The following ASH1L variants were observed in gnomAD, a reference collection of about 807,000 sequenced individuals.
ASH1L encodes the protein histone-lysine N-methyltransferase ASH1L.
In ASH1L, 23 loss-of-function variants were observed where a neutral mutation model predicts 269.0. That is an observed-to-expected ratio of 0.09 (90% CI 0.06 to 0.12). The LOEUF (loss-of-function observed/expected upper bound fraction) is 0.12. ASH1L is among the 10% of genes least tolerant of loss of function. The pLI, the probability that ASH1L is intolerant of heterozygous loss-of-function variation, is 1.00. For synonymous variants in ASH1L, 1,187 were observed against 1,253.5 expected, an observed-to-expected ratio of 0.95 and a Z score of 1.12; for missense variants, 2,912 against 3,567.8, an observed-to-expected ratio of 0.82 and a Z score of 4.68.
intron 2 of ASH1L, among the ~76,000 whole-genome samples, chr1:155,520,681 G>A (rs1668824023): frequency 6.6e-6 from 1 of 151,816 alleles, no homozygotes; most frequent in South Asian, 2.1e-4. Flanking sequence ...TGGCCAACAT[G>A]GTGAAACCCC....
chr1:155,438,608 C>A lies in ASH1L; in HGVS notation c.5547G>T (p.Arg1849Ser), dbSNP rs747204729. 2 of 1,614,062 alleles carry A rather than the reference C, an allele frequency of 1.2e-6. No homozygotes were observed. Among genetic ancestry groups the A allele is most frequent in the Non-Finnish European group, 1.7e-6 (2 of 1,180,036 alleles). Residue 1849 changes from arginine to serine, a missense_variant, in exon 5 of 28, where the codon AGG becomes AGT. Transcript: ENST00000392403. ...ARTGNNFVKR[R>S]PGRPRKCPLQ... ...GGGGACATTTCCGAGGTCGACCTGGCCTACGTTTCACAAAGTTATTCCCTG... is the reference window on the plus strand; with the variant it reads ...GGGGACATTTCCGAGGTCGACCTGGACTACGTTTCACAAAGTTATTCCCTG...
intron 4 of ASH1L, 46 bp from the exon 5 acceptor site, chr1:155,439,114 A>C: frequency 6.5e-7 from 1 of 1,536,164 alleles, no homozygotes; most frequent in Non-Finnish European, 8.7e-7. Context: ...GGACACGGCT[A>C]GTTATTTAAA....
intron 25 of ASH1L, among the ~76,000 whole-genome samples, chr1:155,341,237 C>T (rs1241707009): frequency 4.6e-5 from 7 of 151,248 alleles, no homozygotes; most frequent in Middle Eastern, 3.4e-3. Context: ...AGTGCAGTGG[C>T]GTGATCTTGG....
At chr1:155,546,245 C>G (rs1168269983) in intron 1 of ASH1L, among the ~76,000 whole-genome samples, 2 of 150,302 alleles carry the variant, frequency 1.3e-5, no homozygotes. Context: ...GCAGGAGAAT[C>G]GCTTGAACTC....
chr1:155,563,106 G>A (rs772420862), upstream of ASH1L: 236 of 457,492 alleles, frequency 5.2e-4, 6 homozygotes, highest in Middle Eastern at 0.038. Flanking sequence ...GCTGCGGCTC[G>A]CCTCCCTCTG....
chr1:155,399,998 A>G (rs1017091040), intron 6 of ASH1L, among the ~76,000 whole-genome samples: 1 of 152,222 alleles, frequency 6.6e-6, no homozygotes, highest in African/African-American at 2.4e-5. Context: ...ATTATGCAAC[A>G]GTTCTGCAGG....
At chr1:155,514,323 C>T (rs752444612) in intron 2 of ASH1L, among the ~76,000 whole-genome samples, 3 of 152,028 alleles carry the variant, frequency 2.0e-5, no homozygotes, top group East Asian at 1.9e-4. Context: ...TTTATATATA[C>T]GGATATACAT....
At chr1:155,344,689 C>T (rs1653086801) in intron 21 of ASH1L, 1 of 158,742 alleles carries the variant, frequency 6.3e-6, no homozygotes, top group South Asian at 1.8e-4. Flanking sequence ...TTAAGAAATA[C>T]TGCCTAAATC....
chr1:155,535,183 C>A (rs888338901), intron 1 of ASH1L, among the ~76,000 whole-genome samples: 1 of 148,548 alleles, frequency 6.7e-6, no homozygotes, highest in Non-Finnish European at 1.5e-5. Context: ...TAGTAAAACT[C>A]CATTTAAAAA....
chr1:155,560,609 C>G (rs1461631773), intron 1 of ASH1L, among the ~76,000 whole-genome samples: 1 of 152,168 alleles, frequency 6.6e-6, no homozygotes, highest in African/African-American at 2.4e-5. Flanking sequence ...AGGCTATTTA[C>G]AGAGACACCT....
chr1:155,411,315 T>A (rs1459094162), intron 6 of ASH1L, among the ~76,000 whole-genome samples: 1 of 151,864 alleles, frequency 6.6e-6, no homozygotes, highest in African/African-American at 2.4e-5. Context: ...AATAAACCAT[T>A]TTCTTCCTAC....
Position 155,406,928 on chromosome 1 carries a change from CATGAAAAGACA to C in ASH1L, c.6008+8805_6008+8815del, listed in dbSNP as rs1232501187. ...CCCTGATAGAAAATGGGGAAACACA[CATGAAAAGACA>C]GTTAAAAGAAAAAGATAATTAAATG... On this transcript the variant is annotated intron_variant, in intron 6 of 27. Transcript: ENST00000392403. Among the ~76,000 whole-genome samples the C allele has an allele frequency of 2.6e-5, 4 of 152,144 alleles. No individual in the cohort carries two copies. In the East Asian group the frequency reaches 7.7e-4, roughly 29 times the overall value.
At chr1:155,345,956 C>G in intron 21 of ASH1L, 1 of 349,606 alleles carries the variant, frequency 2.9e-6, no homozygotes, top group East Asian at 7.9e-5. Context: ...CTCAGCCACC[C>G]AAGTACCTGA....
chr1:155,557,531 C>A (rs557763574), intron 1 of ASH1L, among the ~76,000 whole-genome samples: 6 of 152,098 alleles, frequency 3.9e-5, no homozygotes, highest in Admixed American at 3.9e-4. Flanking sequence ...CCGCCCACCT[C>A]GGCCTCCCAA....
At chr1:155,542,387 A>G (rs1370063898) in intron 1 of ASH1L, among the ~76,000 whole-genome samples, 3 of 152,116 alleles carry the variant, frequency 2.0e-5, no homozygotes, top group African/African-American at 4.8e-5. Context: ...ATCTCTATCA[A>G]AAATACAAAA....
At chr1:155,442,537 C>T (rs560307484) in intron 4 of ASH1L, among the ~76,000 whole-genome samples, 7,771 of 144,666 alleles carry the variant, frequency 0.054, 684 homozygotes, top group African/African-American at 0.19. Context: ...GAGCCGAGAT[C>T]ACGCCACTGC....
Position 155,388,106 on chromosome 1 carries a change from C to T in ASH1L, c.6103+7353G>A, listed in dbSNP as rs149168454. The stretch of plus-strand genomic sequence containing the variant: ...AGGTGTGAAAGTTGATTAGACAAAA[C>T]GGAATCATTCATACCATATCCAACT... On this transcript the variant is annotated intron_variant, in intron 7 of 27. Transcript: ENST00000392403. Among the ~76,000 whole-genome samples the T allele has an allele frequency of 1.1e-4, 17 of 152,230 alleles. No individual in the cohort carries two copies. The South Asian group carries it at 2.9e-3, about 26-fold the overall frequency.
At chr1:155,401,137 G>A (rs138525885) in intron 6 of ASH1L, among the ~76,000 whole-genome samples, 48 of 151,714 alleles carry the variant, frequency 3.2e-4, no homozygotes, top group African/African-American at 1.1e-3. Flanking sequence ...CGCCAGCCAG[G>A]GTGACAGAGT....
intron 27 of ASH1L, 64 bp from the exon 28 acceptor site, chr1:155,337,815 G>A: frequency 6.9e-7 from 1 of 1,454,298 alleles, no homozygotes; most frequent in Non-Finnish European, 9.6e-7. Context: ...CCAGATTTGA[G>A]CTCTAAGGAG....
Sources: gnomAD v4.1 joint callset for allele counts (sites outside exome capture counted in the v4.1 genomes callset) on GRCh38, gnomAD v4.1.1 for gene constraint, MANE v1.5 for transcripts, NCBI Gene and HGNC (gene_info 2026-07-23, HGNC 2026-07-21) for gene names.